Variants in SRCIN1 observed in about 807,000 individuals in gnomAD.
The protein encoded by SRCIN1 is SRC kinase signaling inhibitor 1, also known as P130Cas-associated protein.
Under a neutral mutation model 116.2 loss-of-function variants are expected in SRCIN1, and 50 were observed. The observed-to-expected ratio is 0.43, with a 90% confidence interval of 0.34 to 0.54. SRCIN1 has a LOEUF of 0.54. Among genes scored for constraint, SRCIN1 ranks in the 20% least tolerant of loss-of-function variants. SRCIN1 has a pLI of 0.02. For missense variants in SRCIN1, 1,446 were observed against 1,672.0 expected (o/e 0.86, Z 2.36); for synonymous variants, 736 against 750.0 (o/e 0.98, Z 0.30).
At chr17:38,566,293 C>T (rs1186126850) in intron 3 of SRCIN1, among the ~76,000 whole-genome samples, 2 of 152,148 alleles carry the variant, frequency 1.3e-5, no homozygotes, top group Non-Finnish European at 2.9e-5. Context: ...TGCCCACGTT[C>T]CCTGCTCCAC....
chr17:38,599,927 T>C (rs1225069017), intron 1 of SRCIN1, among the ~76,000 whole-genome samples: 3 of 152,256 alleles, frequency 2.0e-5, no homozygotes, highest in Non-Finnish European at 2.9e-5. Flanking sequence ...CTAAGGATTA[T>C]TATCTTCTCT....
At chr17:38,556,528 G>A (rs1257522253) in intron 11 of SRCIN1, among the ~76,000 whole-genome samples, 1 of 152,270 alleles carries the variant, frequency 6.6e-6, no homozygotes, top group Admixed American at 6.5e-5. Context: ...AAGAGTAAGC[G>A]TAAGCTCCTG....
In SRCIN1 at chr17:38,562,047, G is replaced by A. The variant is rs1282954192; in HGVS notation, c.1116C>T (p.Arg372=). The A allele has an allele frequency of 6.7e-7, 1 of 1,490,054 alleles. No homozygotes were observed. The highest frequency in any genetic ancestry group is 1.3e-5 in the South Asian group (1 of 79,266). The allele number at this position is 1,490,054 out of a possible 1,614,324, so 92.3% of individuals were successfully genotyped here. Residue 372 remains arginine, a synonymous_variant, in exon 7 of 19, where the codon CGC becomes CGT. Transcript: ENST00000617146. This position sits in a 1 kb window ranked among gnomAD's most constrained non-coding sequence, Gnocchi z 4.2. Reference sequence around the variant, plus strand: ...CCAGGTCCTCGTCCGGCTTCACGTCGCGCCGCTCCAGGATGGCGCTGGGGC... The same window carrying A: ...CCAGGTCCTCGTCCGGCTTCACGTCACGCCGCTCCAGGATGGCGCTGGGGC... ...SPSPSAILER[R]DVKPDEDLAS... is the part of the protein sequence containing the mutation.
rs757725869 is a variant in SRCIN1 at position 38,564,278 on chromosome 17, G to C, written c.381C>G (p.Pro127=). 5.3e-5 allele frequency: 84 copies of C among 1,571,656 alleles called. No homozygotes were observed. The highest frequency in any genetic ancestry group is 7.0e-5 in the Non-Finnish European group (81 of 1,162,186). The change falls in exon 4 of 19, where the codon CCC becomes CCG. Residue 127 remains proline, a synonymous_variant. Transcript: ENST00000617146. Reference sequence around the variant, plus strand: ...GCTTTGCCGCCTGGTCTGCCAGCCCGGGCTGGGCTCCCTGAGTGTGGCGTG... The same window carrying C: ...GCTTTGCCGCCTGGTCTGCCAGCCCCGGCTGGGCTCCCTGAGTGTGGCGTG... ...RSSRHTQGAQ[P]GLADQAAKLS...
chr17:38,570,176 C>T (rs1906984325), intron 2 of SRCIN1, among the ~76,000 whole-genome samples: 1 of 152,122 alleles, frequency 6.6e-6, no homozygotes, highest in South Asian at 2.1e-4. Flanking sequence ...AAGAGAGGGG[C>T]TCCCCAGTCA....
intron 17 of SRCIN1, chr17:38,547,751 C>A: frequency 3.1e-6 from 1 of 324,444 alleles, no homozygotes; most frequent in South Asian, 2.2e-5. Context: ...TGGCAGCAGC[C>A]CCGTTACCTT....
chr17:38,596,844 C>T (rs1908755913), intron 1 of SRCIN1, among the ~76,000 whole-genome samples: 1 of 152,194 alleles, frequency 6.6e-6, no homozygotes, highest in South Asian at 2.1e-4. Context: ...ACCCCCAACC[C>T]TCAACCTGCC....
chr17:38,562,127 G>A lies in SRCIN1; in HGVS notation c.1036C>T (p.His346Tyr). The change falls in exon 7 of 19, where the codon CAC (histidine) becomes TAC (tyrosine). Residue 346 changes from histidine to tyrosine, a missense_variant. Around this residue, in one of 5 missense-constraint regions of SRCIN1, gnomAD observed 239 missense variants for 317.7 expected, o/e 0.75. Transcript: ENST00000617146. This position sits in a 1 kb window ranked among gnomAD's most constrained non-coding sequence, Gnocchi z 4.2. ...CCTCCCAGCCTCTCGGCCGCGTGGT[G>A]CACCGGGCTGCCGGCGTACGAAGGC... The part of the protein sequence containing the change: ...RPPSYAGSPV[H>Y]HAAERLGGAP... The A allele has an allele frequency of 2.2e-6, 3 of 1,380,396 alleles. No individual in the cohort carries two copies. The highest frequency in any genetic ancestry group is 2.8e-6 in the Non-Finnish European group (3 of 1,075,610). 85.5% of individuals were successfully genotyped at this position (1,380,396 alleles called of 1,614,324 possible).
At chr17:38,555,523 G>T (rs1905727786) in intron 11 of SRCIN1, among the ~76,000 whole-genome samples, 1 of 152,172 alleles carries the variant, frequency 6.6e-6, no homozygotes, top group African/African-American at 2.4e-5. Context: ...CAATTTGGGA[G>T]CTTATTTGTT....
chr17:38,593,630 C>A (rs1908562306), intron 1 of SRCIN1, among the ~76,000 whole-genome samples: 2 of 152,176 alleles, frequency 1.3e-5, no homozygotes, highest in Non-Finnish European at 2.9e-5. Context: ...AACACTTGTA[C>A]AATGCACAAC....
chr17:38,533,593 G>C (rs3894924), intron 18 of SRCIN1, among the ~76,000 whole-genome samples, 162 bp from the exon 19 acceptor site: 13,416 of 146,376 alleles, frequency 0.092, 760 homozygotes, highest in South Asian at 0.16. Flanking sequence ...TCCCTTGAAT[G>C]GTGGAGGGGT....
At chr17:38,547,062 T>C (rs1007530785) in intron 17 of SRCIN1, among the ~76,000 whole-genome samples, 4 of 152,146 alleles carry the variant, frequency 2.6e-5, no homozygotes, top group African/African-American at 9.7e-5. Flanking sequence ...AGGAAATAAG[T>C]GCAGCAGGAC....
intron 1 of SRCIN1, among the ~76,000 whole-genome samples, chr17:38,601,748 T>A (rs1199584028): frequency 6.6e-6 from 1 of 152,074 alleles, no homozygotes; most frequent in Non-Finnish European, 1.5e-5. Context: ...CCATAATAGT[T>A]AACCCAGGCC....
rs151030712 is a variant in SRCIN1, at chr17:38,592,747, A to G, written c.22+12937T>C. Among the ~76,000 whole-genome samples the G allele has an allele frequency of 4.7e-3, 715 of 152,262 alleles. 3 individuals are homozygous for G. Among genetic ancestry groups the G allele is most frequent in the African/African-American group, 0.016 (676 of 41,556 alleles). The stretch of plus-strand genomic sequence containing the variant: ...ACACAGCTACTTTAATGTGTTAGGC[A>G]ATGTGGGGATGCCAAGATGAATGAG... On this transcript the variant is annotated intron_variant, in intron 1 of 18. Coordinates refer to ENST00000617146, the MANE Select transcript of SRCIN1 (RefSeq NM_025248.3).
upstream of SRCIN1, among the ~76,000 whole-genome samples, chr17:38,606,514 C>G (rs932276822): frequency 7.9e-5 from 12 of 152,140 alleles, no homozygotes; most frequent in Non-Finnish European, 1.8e-4. The surrounding 1 kb of genome is among the most constrained non-coding windows in gnomAD (Gnocchi z 5.2). Flanking sequence ...CTCCCCGGCG[C>G]CCCCTGCTGG....
chr17:38,574,214 G>A (rs1456891107), intron 2 of SRCIN1, among the ~76,000 whole-genome samples: 1 of 152,156 alleles, frequency 6.6e-6, no homozygotes, highest in Non-Finnish European at 1.5e-5. Context: ...TTGGGCCTCA[G>A]ATGCCTATTT....
At chr17:38,601,557 G>A (rs954405927) in intron 1 of SRCIN1, among the ~76,000 whole-genome samples, 1 of 152,064 alleles carries the variant, frequency 6.6e-6, no homozygotes, top group Non-Finnish European at 1.5e-5. Context: ...TTGAGGCAGG[G>A]GAGGAAGAGC....
Position 38,552,436 on chromosome 17 carries a change from G to T in SRCIN1, c.2480+11C>A. 1 of 1,597,162 alleles carries T rather than the reference G, an allele frequency of 6.3e-7. No individual in the cohort carries two copies. The highest frequency in any genetic ancestry group is 2.3e-5 in the East Asian group (1 of 44,122). On this transcript the variant is annotated intron_variant, in intron 13 of 18. Coordinates refer to ENST00000617146, the MANE Select transcript of SRCIN1 (RefSeq NM_025248.3). This position sits in a 1 kb window ranked among gnomAD's most constrained non-coding sequence, Gnocchi z 5.3. ...AACCCATGGGAAATCAGAGGTCAGGGACAGAATGACCTTCGGATCTGGGCC... is the reference window on the plus strand; with the variant it reads ...AACCCATGGGAAATCAGAGGTCAGGTACAGAATGACCTTCGGATCTGGGCC...
rs1284304728 is a variant in SRCIN1, at chr17:38,562,275, G to A, written c.888C>T (p.Asn296=). ...ATGCCAGGTGCGGCGCTGGTGACAG[G>A]TTGTTGAGGCGCCGCGTGGGCGAGG... ...RESSPTRRLN[N]LSPAPHLASG... is the part of the protein sequence containing the mutation. Residue 296 remains asparagine (N), a synonymous_variant, in exon 7 of 19, where the codon AAC becomes AAT. Coordinates refer to ENST00000617146, the MANE Select transcript of SRCIN1 (RefSeq NM_025248.3). The surrounding 1 kb of genome is among the most constrained non-coding windows in gnomAD (Gnocchi z 4.2). 9.5e-6 allele frequency: 14 copies of A among 1,479,302 alleles called. No individual in the cohort carries two copies. The highest frequency in any genetic ancestry group is 2.4e-5 in the Admixed American group (1 of 40,990). 91.6% of individuals were successfully genotyped at this position (1,479,302 alleles called of 1,614,324 possible).
Sources: allele counts gnomAD v4.1 joint callset (sites outside exome capture counted in the v4.1 genomes callset), GRCh38; gene constraint gnomAD v4.1.1; regional missense constraint gnomAD v4.1.1; non-coding constraint Gnocchi (gnomAD v3.1); transcripts MANE v1.5; gene names NCBI Gene and HGNC (gene_info 2026-07-23, HGNC 2026-07-21).